The following BTBD7 variants were observed in gnomAD, a reference collection of about 807,000 sequenced individuals.
BTBD7 encodes the protein BTB/POZ domain-containing protein 7.
Under a neutral mutation model 99.9 loss-of-function variants are expected in BTBD7, and 38 were observed. That is an observed-to-expected ratio of 0.38 (90% CI 0.29 to 0.50). The LOEUF (loss-of-function observed/expected upper bound fraction) is 0.50. Ranked by LOEUF, BTBD7 falls within the 20% of genes least tolerant of loss-of-function variation. The probability of loss-of-function intolerance (pLI) is 0.93; values close to 1 mark genes in which losing one functional copy is unlikely to be tolerated. For synonymous variants in BTBD7, 520 were observed against 511.4 expected, an observed-to-expected ratio of 1.02 and a Z score of -0.23; for missense variants, 1,170 against 1,394.6, an observed-to-expected ratio of 0.84 and a Z score of 2.57.
intron 10 of BTBD7, among the ~76,000 whole-genome samples, chr14:93,245,500 C>T (rs1332380892): frequency 6.6e-6 from 1 of 152,220 alleles, no homozygotes; most frequent in African/African-American, 2.4e-5. Context: ...AATTGTAGAC[C>T]TGTGCTTGAA....
At chr14:93,298,013 G>T (rs563740162) in intron 1 of BTBD7, among the ~76,000 whole-genome samples, 24 of 152,212 alleles carry the variant, frequency 1.6e-4, no homozygotes, top group African/African-American at 5.5e-4. Context: ...CCTATGGCTA[G>T]GCCTCTTTGC....
chr14:93,256,907 G>A (rs2052436286), intron 6 of BTBD7: 1 of 324,612 alleles, frequency 3.1e-6, no homozygotes, highest in East Asian at 5.4e-5. Context: ...TTTGAATAAG[G>A]GTCTACTTGA....
At chr14:93,260,123 A>G (rs889251338) in intron 5 of BTBD7, among the ~76,000 whole-genome samples, 1 of 152,216 alleles carries the variant, frequency 6.6e-6, no homozygotes, top group Non-Finnish European at 1.5e-5. Flanking sequence ...AGCATATTAA[A>G]GAAACACTAT....
At chr14:93,304,261 T>G (rs1214044252) in intron 1 of BTBD7, among the ~76,000 whole-genome samples, 1 of 152,232 alleles carries the variant, frequency 6.6e-6, no homozygotes, top group African/African-American at 2.4e-5. Context: ...GGGACAACTG[T>G]TTTTATTGTT....
intron 3 of BTBD7, 72 bp from the exon 4 acceptor site, chr14:93,264,065 C>A: frequency 7.3e-7 from 1 of 1,378,448 alleles, no homozygotes; most frequent in South Asian, 1.2e-5. Flanking sequence ...GTGCTAGGCA[C>A]GATATTTAAA....
chr14:93,318,895 A>G (rs762050112), intron 1 of BTBD7, among the ~76,000 whole-genome samples: 3 of 152,204 alleles, frequency 2.0e-5, no homozygotes, highest in Non-Finnish European at 4.4e-5. Context: ...GACCTTAAAG[A>G]GTGCCTGGCT....
At chr14:93,299,784 G>T (rs968757728) in intron 1 of BTBD7, among the ~76,000 whole-genome samples, 1 of 151,848 alleles carries the variant, frequency 6.6e-6, no homozygotes, top group African/African-American at 2.4e-5. Context: ...GCCCCAAAAA[G>T]AAAGCCCTAG....
chr14:93,289,938 C>T (rs943638306), intron 3 of BTBD7, among the ~76,000 whole-genome samples: 1 of 146,046 alleles, frequency 6.8e-6, no homozygotes, highest in African/African-American at 2.5e-5. Flanking sequence ...CTTACTGCAA[C>T]CTCTGCCTCC....
intron 1 of BTBD7, among the ~76,000 whole-genome samples, chr14:93,300,786 A>ATTTTTT (rs71129626): frequency 9.8e-6 from 1 of 101,770 alleles, no homozygotes; most frequent in Non-Finnish European, 2.0e-5. Flanking sequence ...ATATATATAT[A>ATTTTTT]TTTTTTTTTT....
intron 1 of BTBD7, among the ~76,000 whole-genome samples, chr14:93,301,365 A>AT (rs1351772528): frequency 6.6e-6 from 1 of 151,944 alleles, no homozygotes; most frequent in African/African-American, 2.4e-5. Context: ...CTAATTTTCT[A>AT]TTTTTAGTAA....
intron 1 of BTBD7, among the ~76,000 whole-genome samples, chr14:93,305,793 C>T (rs1008481224): frequency 6.6e-6 from 1 of 152,104 alleles, no homozygotes; most frequent in African/African-American, 2.4e-5. Context: ...CTATTTCTTA[C>T]AGTTCTGGAG....
intron 1 of BTBD7, among the ~76,000 whole-genome samples, chr14:93,312,274 T>G (rs187342933): frequency 1.3e-5 from 2 of 152,210 alleles, no homozygotes; most frequent in African/African-American, 4.8e-5. Context: ...ACCTATAGAG[T>G]GGTTACATAC....
chr14:93,318,972 T>G (rs1298657408), intron 1 of BTBD7, among the ~76,000 whole-genome samples: 1 of 152,210 alleles, frequency 6.6e-6, no homozygotes, highest in African/African-American at 2.4e-5. Context: ...AACCCAGCAC[T>G]TCAGGAGGCC....
chr14:93,248,485 C>T lies in BTBD7; in HGVS notation c.2112G>A (p.Glu704=), dbSNP rs143761269. 73 of 1,613,862 alleles carry T rather than the reference C, an allele frequency of 4.5e-5. No homozygotes were observed. The African/African-American group carries it at 7.7e-4, about 17-fold the overall frequency. ...REFGLADAAA[E]LLQNPHKFFP... is the part of the protein sequence containing the mutation. ...TAATGTCATTTCCTACCTGCAACAG[C>T]TCTGCAGCAGCATCTGCAAGACCAA... is the stretch of plus-strand genomic sequence containing the variant. The change falls in exon 9 of 11, where the codon GAG becomes GAA. Residue 704 remains glutamate, a synonymous_variant. Coordinates refer to ENST00000334746, the MANE Select transcript of BTBD7 (RefSeq NM_001002860.4).
intron 3 of BTBD7, among the ~76,000 whole-genome samples, chr14:93,276,549 G>T (rs1347323850): frequency 1.3e-5 from 2 of 152,148 alleles, no homozygotes; most frequent in Non-Finnish European, 2.9e-5. Context: ...GCTGCCAGAA[G>T]TTCTTTTCCT....
At chr14:93,309,652 C>T (rs924671987) in intron 1 of BTBD7, among the ~76,000 whole-genome samples, 7 of 152,040 alleles carry the variant, frequency 4.6e-5, no homozygotes, top group African/African-American at 1.7e-4. Flanking sequence ...TCTACTTTAT[C>T]ACCCAACTGA....
At chr14:93,251,947 T>C (rs2052371980) in intron 7 of BTBD7, among the ~76,000 whole-genome samples, 1 of 152,170 alleles carries the variant, frequency 6.6e-6, no homozygotes. Flanking sequence ...CACAATATTA[T>C]AATAAAACAA....
chr14:93,253,624 T>C (rs111657842), intron 7 of BTBD7, 23 bp downstream of exon 7: 5 of 1,601,644 alleles, frequency 3.1e-6, no homozygotes, highest in East Asian at 2.2e-5. Context: ...AGTAGTCTAC[T>C]ATCTTCAAAT....
At chr14:93,308,851 T>C (rs1651370833) in intron 1 of BTBD7, among the ~76,000 whole-genome samples, 6 of 152,204 alleles carry the variant, frequency 3.9e-5, no homozygotes. Flanking sequence ...GGGAAGTTAG[T>C]GTTCAGTAAG....
Sources: allele counts gnomAD v4.1 joint callset (sites outside exome capture counted in the v4.1 genomes callset), GRCh38; gene constraint gnomAD v4.1.1; transcripts MANE v1.5; gene names NCBI Gene and HGNC (gene_info 2026-07-23, HGNC 2026-07-21).